The following PTPN13 variants were observed in gnomAD, a reference collection of about 807,000 sequenced individuals.
PTPN13 encodes tyrosine-protein phosphatase non-receptor type 13.
Under a neutral mutation model 284.0 loss-of-function variants are expected in PTPN13, and 191 were observed. The observed-to-expected ratio is 0.67, with a 90% confidence interval of 0.60 to 0.76. The LOEUF (loss-of-function observed/expected upper bound fraction) is 0.76, where lower values mean the gene tolerates loss of function less well. Ranked by LOEUF, PTPN13 falls within the 30% of genes least tolerant of loss-of-function variation. The probability of loss-of-function intolerance (pLI) is 0.00; values close to 1 mark genes in which losing one functional copy is unlikely to be tolerated. For missense variants in PTPN13, 2,797 were observed against 2,939.9 expected, an observed-to-expected ratio of 0.95 and a Z score of 1.12; for synonymous variants, 986 against 1,022.3, an observed-to-expected ratio of 0.96 and a Z score of 0.68.
chr4:86,717,798 G>A (rs1228238885), intron 9 of PTPN13, among the ~76,000 whole-genome samples: 2 of 152,124 alleles, frequency 1.3e-5, no homozygotes, highest in Admixed American at 6.5e-5. Context: ...CAAGCTTTCA[G>A]TGAGTATTTA....
At chr4:86,627,479 G>C (rs1721967628) in intron 1 of PTPN13, among the ~76,000 whole-genome samples, 1 of 150,482 alleles carries the variant, frequency 6.6e-6, no homozygotes, top group South Asian at 2.1e-4. Flanking sequence ...AAGGATTGCT[G>C]TTTCACCTTT....
intron 40 of PTPN13, among the ~76,000 whole-genome samples, chr4:86,791,052 G>C (rs28642321): frequency 6.6e-6 from 1 of 152,096 alleles, no homozygotes; most frequent in East Asian, 1.9e-4. Flanking sequence ...CGCCTCACAC[G>C]GGAAGCACAA....
chr4:86,677,565 G>T (rs949941943), intron 3 of PTPN13, among the ~76,000 whole-genome samples: 4 of 151,062 alleles, frequency 2.6e-5, no homozygotes, highest in Non-Finnish European at 5.9e-5. Flanking sequence ...CATCTGCCTC[G>T]GCCTCCCACA....
At chr4:86,785,481 G>T in intron 39 of PTPN13, 113 bp downstream of exon 39, 1 of 955,132 alleles carries the variant, frequency 1.0e-6, no homozygotes, top group Non-Finnish European at 1.5e-6. Context: ...CCTCATTCAT[G>T]TGTAATATTT....
At chr4:86,695,197 T>C (rs1238059167) in intron 6 of PTPN13, among the ~76,000 whole-genome samples, 1 of 152,154 alleles carries the variant, frequency 6.6e-6, no homozygotes, top group Non-Finnish European at 1.5e-5. Context: ...ATTTCATTGG[T>C]ATAGTAATTT....
intron 3 of PTPN13, among the ~76,000 whole-genome samples, chr4:86,678,877 A>T (rs1021463527): frequency 1.3e-5 from 2 of 152,274 alleles, no homozygotes; most frequent in Non-Finnish European, 2.9e-5. Flanking sequence ...AGTGCTGCAA[A>T]CACTTCTAAT....
chr4:86,637,377 A>C (rs2148732807), intron 2 of PTPN13, among the ~76,000 whole-genome samples: 1 of 152,114 alleles, frequency 6.6e-6, no homozygotes, highest in South Asian at 2.1e-4. Context: ...ACACAACCAA[A>C]AAAGAGAATT....
intron 1 of PTPN13, among the ~76,000 whole-genome samples, chr4:86,622,512 A>T (rs145396132): frequency 3.3e-5 from 5 of 152,206 alleles, no homozygotes; most frequent in Admixed American, 2.6e-4. Context: ...GAAAGGAAAA[A>T]AGTTGAACTT....
chr4:86,728,643 C>CTTTTTTTTTTTTTTTTTTTTTTTTTTTTT lies in PTPN13; in HGVS notation c.1609-3751_1609-3723dup, dbSNP rs57773658. ...CAGAGACTAGGATTGCAACCCCTGCCTTTTTTTTTTTTTTTTTTTTTTTTT... is the reference window on the plus strand; with the variant it reads ...CAGAGACTAGGATTGCAACCCCTGCCTTTTTTTTTTTTTTTTTTTTTTTTTTTTTTTTTTTTTTTTTTTTTTTTTTTTTT... On this transcript the variant is annotated intron_variant, in intron 10 of 47. Transcript: ENST00000411767. Among the ~76,000 whole-genome samples, 2 of 24,502 alleles carry CTTTTTTTTTTTTTTTTTTTTTTTTTTTTT rather than the reference C, an allele frequency of 8.2e-5. 1 individual carries two copies. The highest frequency in any genetic ancestry group is 3.0e-4 in the African/African-American group (2 of 6,666). 16.1% of individuals were successfully genotyped at this position (24,502 alleles called of 152,430 possible).
chr4:86,711,508 C>T (rs1732414312), intron 7 of PTPN13, among the ~76,000 whole-genome samples: 3 of 152,088 alleles, frequency 2.0e-5, no homozygotes, highest in Admixed American at 2.0e-4. Flanking sequence ...GCTGATTTTA[C>T]TCTCCCATTC....
At chr4:86,620,096 T>G (rs1721044666) in intron 1 of PTPN13, among the ~76,000 whole-genome samples, 1 of 152,220 alleles carries the variant, frequency 6.6e-6, no homozygotes, top group Admixed American at 6.5e-5. Context: ...TAAAAAATAT[T>G]AAATAAGGAC....
chr4:86,720,877 G>T (rs1212905217), intron 9 of PTPN13, among the ~76,000 whole-genome samples: 5 of 152,098 alleles, frequency 3.3e-5, no homozygotes, highest in Non-Finnish European at 7.4e-5. Flanking sequence ...AGCAGAATGA[G>T]TAATTTTTTT....
Position 86,803,765 on chromosome 4 carries a change from C to A in PTPN13, c.6562C>A (p.Pro2188Thr). 3 of 1,613,906 alleles carry A rather than the reference C, an allele frequency of 1.9e-6. No individual in the cohort carries two copies. The highest frequency in any genetic ancestry group is 2.5e-6 in the Non-Finnish European group (3 of 1,179,812). Residue 2188 changes from proline to threonine, a missense_variant, in exon 43 of 48, where the codon CCC (proline) becomes ACC (threonine). By Grantham distance (38) the Pro-to-Thr change is conservative (BLOSUM62 -1). Transcript: ENST00000411767. ...LAVLPVVKVL[P>T]SGKYTGANLK... Reference sequence around the variant, plus strand: ...TGTACTCCCTGTCGTCAAAGTGCTTCCCTCTGGTAAATACACGGGTGCCAA... The same window carrying A: ...TGTACTCCCTGTCGTCAAAGTGCTTACCTCTGGTAAATACACGGGTGCCAA...
chr4:86,793,208 C>T (rs891422859), intron 40 of PTPN13, among the ~76,000 whole-genome samples: 2 of 152,128 alleles, frequency 1.3e-5, no homozygotes, highest in Non-Finnish European at 2.9e-5. Flanking sequence ...GGTTGCAATC[C>T]TAGTCTCTGA....
intron 2 of PTPN13, chr4:86,661,184 T>C: frequency 2.4e-6 from 1 of 413,300 alleles, no homozygotes; most frequent in South Asian, 1.7e-5. Flanking sequence ...TGCTATGACA[T>C]ATCACACAGA....
chr4:86,766,810 C>G (rs1160193481), intron 27 of PTPN13, among the ~76,000 whole-genome samples: 3 of 152,184 alleles, frequency 2.0e-5, no homozygotes, highest in African/African-American at 7.2e-5. Context: ...ATAAACATCT[C>G]ATTTCTAGTG....
At chr4:86,751,891 G>T (rs1578575071) in intron 19 of PTPN13, among the ~76,000 whole-genome samples, 1 of 152,000 alleles carries the variant, frequency 6.6e-6, no homozygotes, top group East Asian at 1.9e-4. Flanking sequence ...CTCCCAGATA[G>T]CAGGGCATAT....
chr4:86,786,405 T>C (rs1578668836), intron 40 of PTPN13, among the ~76,000 whole-genome samples: 2 of 152,280 alleles, frequency 1.3e-5, no homozygotes, highest in East Asian at 3.9e-4. Flanking sequence ...AAAACTGTGC[T>C]GGTTTGAATG....
At chr4:86,792,655 G>A (rs994336752) in intron 40 of PTPN13, among the ~76,000 whole-genome samples, 11 of 152,138 alleles carry the variant, frequency 7.2e-5, no homozygotes, top group South Asian at 4.1e-4. Flanking sequence ...GAATAACAGC[G>A]ATCTCTCAGC....
Sources: allele counts gnomAD v4.1 joint callset (sites outside exome capture counted in the v4.1 genomes callset), GRCh38; gene constraint gnomAD v4.1.1; transcripts MANE v1.5; gene names NCBI Gene and HGNC (gene_info 2026-07-23, HGNC 2026-07-21).